Variants in GJC1 observed in about 807,000 individuals in gnomAD.
GJC1 encodes gap junction gamma-1 protein.
A neutral mutation model predicts 29.3 loss-of-function variants in GJC1; 5 were observed. The ratio of observed to expected loss-of-function variants is 0.17; its 90% CI spans 0.09 to 0.36. The LOEUF (loss-of-function observed/expected upper bound fraction) is 0.36. Ranked by LOEUF, GJC1 falls within the 10% of genes least tolerant of loss-of-function variation. The pLI, the probability that GJC1 is intolerant of heterozygous loss-of-function variation, is 1.00. For synonymous variants in GJC1, 177 were observed against 183.3 expected, an observed-to-expected ratio of 0.97 and a Z score of 0.28; for missense variants, 310 against 496.2, an observed-to-expected ratio of 0.62 and a Z score of 3.56.
intron 1 of GJC1, among the ~76,000 whole-genome samples, chr17:44,816,594 G>T (rs542540399): frequency 3.3e-5 from 5 of 151,964 alleles, no homozygotes; most frequent in Non-Finnish European, 7.4e-5. Context: ...CTCTGCCTCC[G>T]GGGTTCAAGC....
At chr17:44,811,709 T>TG (rs1387258306) in intron 1 of GJC1, among the ~76,000 whole-genome samples, 4 of 151,696 alleles carry the variant, frequency 2.6e-5, no homozygotes, top group East Asian at 1.9e-4. Context: ...TATAATTCTG[T>TG]GGGAAAAAAA....
intron 1 of GJC1, among the ~76,000 whole-genome samples, chr17:44,820,851 A>C (rs1268857658): frequency 3.9e-5 from 6 of 152,210 alleles, no homozygotes; most frequent in African/African-American, 1.2e-4. Context: ...GTGATAATAG[A>C]TGTTTAATAA....
chr17:44,808,610 C>T (rs1055796271), intron 1 of GJC1, among the ~76,000 whole-genome samples: 6 of 151,922 alleles, frequency 3.9e-5, no homozygotes, highest in African/African-American at 1.2e-4. Flanking sequence ...CAACACACAC[C>T]CCCAAAATTA....
chr17:44,822,049 T>G (rs1459079989), intron 1 of GJC1, among the ~76,000 whole-genome samples: 2 of 151,174 alleles, frequency 1.3e-5, no homozygotes. Flanking sequence ...TACAAAAAAT[T>G]AGCCGGGCAT....
chr17:44,810,803 T>G (rs775319015), intron 1 of GJC1, among the ~76,000 whole-genome samples: 7 of 152,072 alleles, frequency 4.6e-5, no homozygotes, highest in African/African-American at 7.2e-5. Flanking sequence ...AAACAGGGTC[T>G]CGCTCTGTTG....
At chr17:44,806,397 G>GTTTTTT (rs1160736962) in intron 2 of GJC1, among the ~76,000 whole-genome samples, 4 of 103,622 alleles carry the variant, frequency 3.9e-5, no homozygotes, top group African/African-American at 1.4e-4. Flanking sequence ...TGGTTCTTCT[G>GTTTTTT]TTTGTTTTTT....
intron 1 of GJC1, among the ~76,000 whole-genome samples, chr17:44,810,415 C>T (rs543042697): frequency 2.0e-5 from 3 of 152,142 alleles, no homozygotes; most frequent in Non-Finnish European, 4.4e-5. Context: ...TATGTAAGTT[C>T]TAAAGCAGCC....
At chr17:44,808,689 G>A (rs1217565825) in intron 1 of GJC1, among the ~76,000 whole-genome samples, 6 of 152,210 alleles carry the variant, frequency 3.9e-5, no homozygotes, top group Admixed American at 2.6e-4. Context: ...TTGAGCCCGG[G>A]AGGTAGAGGT....
rs2050214675 is a variant in GJC1 at position 44,830,055 on chromosome 17, C to T, written c.-97+7G>A. 3.3e-5 allele frequency: 5 copies of T among 152,324 alleles called. No homozygotes were observed. The highest frequency in any genetic ancestry group is 1.2e-4 in the African/African-American group (5 of 41,424). The allele number at this position is 152,324 out of a possible 1,614,324, so 9.4% of individuals were successfully genotyped here. On this transcript the variant is annotated splice_region_variant and intron_variant, in intron 1 of 2. Transcript: ENST00000592524. The surrounding 1 kb of genome is among the most constrained non-coding windows in gnomAD (Gnocchi z 4.3). ...TCTCCTCAGCCGGCCCTGCGGCCGCCCCTCACCCGGCGGCGGGTTCCCCCG... is the reference window on the plus strand; with the variant it reads ...TCTCCTCAGCCGGCCCTGCGGCCGCTCCTCACCCGGCGGCGGGTTCCCCCG...
intron 1 of GJC1, among the ~76,000 whole-genome samples, chr17:44,813,953 A>G (rs183848685): frequency 6.6e-6 from 1 of 152,258 alleles, no homozygotes; most frequent in Admixed American, 6.5e-5. Context: ...ACAAAGCATT[A>G]AGGATTGGCT....
At chr17:44,811,682 T>A (rs12452548) in intron 1 of GJC1, among the ~76,000 whole-genome samples, 2 of 152,046 alleles carry the variant, frequency 1.3e-5, no homozygotes, top group East Asian at 3.9e-4. Flanking sequence ...CCACTATGCC[T>A]GGCCTCTTTC....
intron 1 of GJC1, among the ~76,000 whole-genome samples, chr17:44,826,153 C>G (rs566828290): frequency 6.6e-6 from 1 of 152,252 alleles, no homozygotes; most frequent in Admixed American, 6.5e-5. Context: ...AACTCCTGAC[C>G]TCAGGTGATC....
chr17:44,813,024 C>T (rs1347660282), intron 1 of GJC1: 1 of 152,096 alleles, frequency 6.6e-6, no homozygotes, highest in Non-Finnish European at 1.5e-5. Flanking sequence ...CAACATCTCA[C>T]AAAATGGGTG....
chr17:44,820,280 T>G (rs2050093394), intron 1 of GJC1, among the ~76,000 whole-genome samples: 1 of 152,152 alleles, frequency 6.6e-6, no homozygotes, highest in African/African-American at 2.4e-5. Context: ...ATTCTTAACC[T>G]TGAATTTTGT....
At chr17:44,816,965 C>T (rs530061376) in intron 1 of GJC1, among the ~76,000 whole-genome samples, 2 of 152,124 alleles carry the variant, frequency 1.3e-5, no homozygotes, top group East Asian at 1.9e-4. Context: ...AATCCCAGCA[C>T]TTTGGGAGGC....
At chr17:44,812,388 G>C (rs747127322) in intron 1 of GJC1, among the ~76,000 whole-genome samples, 1 of 152,128 alleles carries the variant, frequency 6.6e-6, no homozygotes, top group African/African-American at 2.4e-5. Flanking sequence ...TATGCCTATT[G>C]TTCCATTACT....
downstream of GJC1, chr17:44,794,474 G>A (rs920821476): frequency 3.9e-5 from 6 of 152,212 alleles, no homozygotes; most frequent in East Asian, 1.2e-3. Flanking sequence ...CAGCAGCTGG[G>A]TACAGGATCT....
rs142452807 is a variant in GJC1 at position 44,827,671 on chromosome 17, G to A, written c.-97+2391C>T. Reference sequence around the variant, plus strand: ...AGGATGGCCGGGCACGGTGGCTCACGCCTGTAATCCCAGCACTCTGGGAGG... The same window carrying A: ...AGGATGGCCGGGCACGGTGGCTCACACCTGTAATCCCAGCACTCTGGGAGG... On this transcript the variant is annotated intron_variant, in intron 1 of 2. Transcript: ENST00000592524. Among the ~76,000 whole-genome samples the A allele has an allele frequency of 2.5e-3, 375 of 151,672 alleles. 1 individual carries two copies. The highest frequency in any genetic ancestry group is 8.3e-3 in the African/African-American group (343 of 41,264).
chr17:44,824,668 G>A (rs568519888), intron 1 of GJC1, among the ~76,000 whole-genome samples: 14 of 151,980 alleles, frequency 9.2e-5, no homozygotes, highest in Non-Finnish European at 1.8e-4. Flanking sequence ...AAATTAGCCA[G>A]GCGTGGCAGC....
Sources: gnomAD v4.1 joint callset for allele counts (sites outside exome capture counted in the v4.1 genomes callset) on GRCh38, gnomAD v4.1.1 for gene constraint, Gnocchi (gnomAD v3.1) non-coding constraint, MANE v1.5 for transcripts, NCBI Gene and HGNC (gene_info 2026-07-23, HGNC 2026-07-21) for gene names.